RPL7A: variants seen among roughly 807,000 people sequenced by gnomAD.
The protein encoded by RPL7A is ribosomal protein L7a, also known as large ribosomal subunit protein eL8.
For synonymous variants in RPL7A, 158 were observed against 128.2 expected (o/e 1.23, Z -1.57); for missense variants, 291 against 338.2 (o/e 0.86, Z 1.09).
chr9:133,351,213 A>G (rs2129998605), intron 7 of RPL7A, 49 bp from the exon 8 acceptor site: 1 of 1,586,966 alleles, frequency 6.3e-7, no homozygotes, highest in East Asian at 2.2e-5. Flanking sequence ...AACCTTGAAA[A>G]TCTCAGAAAA....
At chr9:133,350,795 T>G in intron 6 of RPL7A, 68 bp downstream of exon 6, 2 of 1,604,088 alleles carry the variant, frequency 1.2e-6, no homozygotes, top group Middle Eastern at 3.3e-4. Context: ...GTTGTTTCCT[T>G]TTGCCTTAAA....
chr9:133,348,243 G>A lies in RPL7A; in HGVS notation c.-1G>A, dbSNP rs146152905. The A allele has an allele frequency of 6.3e-3, 10,163 of 1,614,098 alleles. 40 individuals are homozygous for A. Among genetic ancestry groups the A allele is most frequent in the Non-Finnish European group, 7.7e-3 (9,049 of 1,179,998 alleles). The stretch of plus-strand genomic sequence containing the variant: ...CTTTCTCTCTCCTCCCGCCGCCCAA[G>A]ATGGTGAGTGAGCTGTAGTTCCGTG... On this transcript the variant is annotated 5_prime_UTR_variant, in exon 1 of 8. Coordinates refer to ENST00000323345, the MANE Select transcript of RPL7A (RefSeq NM_000972.3).
intron 3 of RPL7A, 97 bp from the exon 4 acceptor site, chr9:133,349,815 C>A: frequency 6.3e-7 from 1 of 1,580,552 alleles, no homozygotes. Context: ...AAATTATAGT[C>A]ATATAGCAGG....
chr9:133,350,720 G>A lies in RPL7A; in HGVS notation c.619G>A (p.Val207Met), dbSNP rs2129995611. ...KTCTTVAFTQVNSEDKGALAK... is the reference protein window; with the variant it reads ...KTCTTVAFTQMNSEDKGALAK... ...CTGCACCACTGTCGCCTTCACACAG[G>A]TGAACTCGTAAGTACACAGCCTGGC... The change falls in exon 6 of 8, where the codon GTG becomes ATG. Residue 207 changes from valine (V) to methionine (M), a missense_variant. Val to Met is a conservative substitution (Grantham distance 21). Coordinates refer to ENST00000323345, the MANE Select transcript of RPL7A (RefSeq NM_000972.3). 2.5e-6 allele frequency: 4 copies of A among 1,613,888 alleles called. No individual in the cohort carries two copies. In the East Asian group the frequency reaches 8.9e-5, roughly 36 times the overall value.
rs2129977724 is a variant in RPL7A at position 133,348,283 on chromosome 9, T to G, written c.3+37T>G. 3.7e-6 allele frequency: 6 copies of G among 1,614,006 alleles called. No homozygotes were observed. In the Admixed American group the frequency reaches 1.0e-4, roughly 27 times the overall value. ...GTAGTTCCGTGGCACTATAGCCAGGTTCCGGCTGTATCCGCTGCCATCCTC... is the reference window on the plus strand; with the variant it reads ...GTAGTTCCGTGGCACTATAGCCAGGGTCCGGCTGTATCCGCTGCCATCCTC... On this transcript the variant is annotated intron_variant, in intron 1 of 7. Coordinates refer to ENST00000323345, the MANE Select transcript of RPL7A (RefSeq NM_000972.3).
intron 7 of RPL7A, 65 bp downstream of exon 7, chr9:133,351,136 C>T (rs908048128): frequency 6.3e-7 from 1 of 1,576,334 alleles, no homozygotes; most frequent in Non-Finnish European, 8.7e-7. Flanking sequence ...AACTGGCTGG[C>T]TTAACCTATG....
rs148435243 is a variant in RPL7A at position 133,349,647 on chromosome 9, T to G, written c.221T>G (p.Leu74Arg). 1.2e-6 allele frequency: 2 copies of G among 1,613,948 alleles called. No individual in the cohort carries two copies. Among genetic ancestry groups the G allele is most frequent in the African/African-American group, 2.7e-5 (2 of 74,940 alleles). The change falls in exon 3 of 8, where the codon CTG becomes CGG. Residue 74 changes from leucine (L) to arginine (R), a missense_variant. Transcript: ENST00000323345. ...CAGAGAGCCATCCTCTATAAGCGGC[T>G]GAAAGTGCCTCCTGCGATTAACCAG... is the stretch of plus-strand genomic sequence containing the variant. ...QRQRAILYKR[L>R]KVPPAINQFT...
At position 133,350,256 on chromosome 9, in the gene RPL7A, C is replaced by T; in HGVS notation, c.432C>T (p.Thr144=). ...PVLRAGVNTV[T]TLVENKKAQL... ...GTGTTCTAGGAGTTAACACCGTCAC[C>T]ACCTTGGTGGAGAACAAGAAAGCTC... Residue 144 remains threonine (T), a synonymous_variant, in exon 5 of 8, where the codon ACC becomes ACT. Transcript: ENST00000323345. 6.2e-7 allele frequency: 1 copy of T among 1,613,914 alleles called. No individual in the cohort carries two copies. The highest frequency in any genetic ancestry group is 8.5e-7 in the Non-Finnish European group (1 of 1,180,022).
chr9:133,351,090 C>T lies in RPL7A; in HGVS notation c.696+19C>T. The T allele has an allele frequency of 1.2e-6, 2 of 1,610,096 alleles. No individual in the cohort carries two copies. Among genetic ancestry groups the T allele is most frequent in the East Asian group, 4.5e-5 (2 of 44,856 alleles). On this transcript the variant is annotated intron_variant, in intron 7 of 7. Coordinates refer to ENST00000323345, the MANE Select transcript of RPL7A (RefSeq NM_000972.3). ...CGATGAGGTAAGAGGCAGCTTTACA[C>T]CAAAATACTGTCATTCACAAATCTT...
Position 133,351,006 on chromosome 9 carries a change from G to A in RPL7A, c.631G>A (p.Asp211Asn). 1 of 1,614,080 alleles carries A rather than the reference G, an allele frequency of 6.2e-7. No homozygotes were observed. The highest frequency in any genetic ancestry group is 8.5e-7 in the Non-Finnish European group (1 of 1,180,016). ...TVAFTQVNSE[D>N]KGALAKLVEA... ...GTTTCCCCTCCTGCCTTTTAGGGAAGACAAAGGCGCTTTGGCTAAGCTGGT... is the reference window on the plus strand; with the variant it reads ...GTTTCCCCTCCTGCCTTTTAGGGAAAACAAAGGCGCTTTGGCTAAGCTGGT... The change falls in exon 7 of 8, where the codon GAC (aspartate) becomes AAC (asparagine). Residue 211 changes from aspartate (D) to asparagine (N), a missense_variant. Transcript: ENST00000323345.
chr9:133,348,220 TTC>T lies in RPL7A; in HGVS notation c.-17_-16del. 1.9e-6 allele frequency: 3 copies of T among 1,613,934 alleles called. No homozygotes were observed. Among genetic ancestry groups the T allele is most frequent in the Non-Finnish European group, 1.7e-6 (2 of 1,179,928 alleles). Reference sequence around the variant, plus strand: ...CATATTACCCACAATTCCCTTTCCTTTCTCTCTCCTCCCGCCGCCCAAGATGG... The same window carrying T: ...CATATTACCCACAATTCCCTTTCCTTTCTCTCCTCCCGCCGCCCAAGATGG... On this transcript the variant is annotated 5_prime_UTR_variant, in exon 1 of 8. Transcript: ENST00000323345.
chr9:133,348,296 C>T lies in RPL7A; in HGVS notation c.3+50C>T, dbSNP rs1257941415. The T allele has an allele frequency of 3.7e-6, 6 of 1,613,612 alleles. No individual in the cohort carries two copies. In the Admixed American group the frequency reaches 6.7e-5, roughly 18 times the overall value. ...ACTATAGCCAGGTTCCGGCTGTATC[C>T]GCTGCCATCCTCCTCCAGGCGCGGC... On this transcript the variant is annotated intron_variant, in intron 1 of 7. Transcript: ENST00000323345.
chr9:133,351,113 CTT>C (rs1836386900), intron 7 of RPL7A, 42 bp downstream of exon 7: 2 of 1,596,988 alleles, frequency 1.3e-6, no homozygotes, highest in Non-Finnish European at 8.6e-7. Flanking sequence ...ATTCACAAAT[CTT>C]TCTCCCAAAT....
At chr9:133,349,762 A>G (rs2129988455) in intron 3 of RPL7A, 62 bp downstream of exon 3, 227 of 1,602,920 alleles carry the variant, frequency 1.4e-4, no homozygotes, top group Non-Finnish European at 1.8e-4. Flanking sequence ...CATCCAGAAC[A>G]TGAGGGGGAT....
At position 133,348,331 on chromosome 9, in the gene RPL7A, C is replaced by T. The variant is rs1836270302; in HGVS notation, c.3+85C>T. 5 of 1,548,402 alleles carry T rather than the reference C, an allele frequency of 3.2e-6. No individual in the cohort carries two copies. The South Asian group carries it at 3.3e-5, about 10-fold the overall frequency. On this transcript the variant is annotated intron_variant, in intron 1 of 7. Coordinates refer to ENST00000323345, the MANE Select transcript of RPL7A (RefSeq NM_000972.3). ...CTCCTCCAGGCGCGGCCTCGGAGGGCCTCCTGCTCCTCCTGGCGCTAGGAG... is the reference window on the plus strand; with the variant it reads ...CTCCTCCAGGCGCGGCCTCGGAGGGTCTCCTGCTCCTCCTGGCGCTAGGAG...
In RPL7A at chr9:133,348,239, C is replaced by T; in HGVS notation, c.-5C>T. ...TTTCCTTTCTCTCTCCTCCCGCCGC[C>T]CAAGATGGTGAGTGAGCTGTAGTTC... On this transcript the variant is annotated 5_prime_UTR_variant, in exon 1 of 8. Coordinates refer to ENST00000323345, the MANE Select transcript of RPL7A (RefSeq NM_000972.3). 2.5e-6 allele frequency: 4 copies of T among 1,614,098 alleles called. No homozygotes were observed. Among genetic ancestry groups the T allele is most frequent in the Non-Finnish European group, 3.4e-6 (4 of 1,179,992 alleles).
chr9:133,348,802 C>T (rs1485067175), intron 1 of RPL7A, 120 bp from the exon 2 acceptor site: 7 of 1,499,860 alleles, frequency 4.7e-6, no homozygotes, highest in Non-Finnish European at 6.5e-6. Flanking sequence ...GAAAGCTGCT[C>T]GCCAGCTTAG....
Position 133,349,557 on chromosome 9 carries a change from A to C in RPL7A, c.131A>C (p.Asp44Ala), listed in dbSNP as rs2129987150. ...GTCACCCTTTACTTCTCAGGACAGGACATCCAGCCCAAAAGAGACCTCACC... is the reference window on the plus strand; with the variant it reads ...GTCACCCTTTACTTCTCAGGACAGGCCATCCAGCCCAAAAGAGACCTCACC... ...KRPKNFGIGQ[D>A]IQPKRDLTRF... The change falls in exon 3 of 8, where the codon GAC (aspartate) becomes GCC (alanine). Residue 44 changes from aspartate to alanine, a missense_variant. Transcript: ENST00000323345. The C allele has an allele frequency of 6.2e-7, 1 of 1,614,138 alleles. No individual in the cohort carries two copies. The highest frequency in any genetic ancestry group is 1.7e-5 in the Admixed American group (1 of 60,026).
intron 1 of RPL7A, 151 bp from the exon 2 acceptor site, chr9:133,348,771 G>T (rs2129980809): frequency 8.9e-7 from 1 of 1,129,062 alleles, no homozygotes; most frequent in Admixed American, 1.8e-5. Flanking sequence ...TCCTGTCGAG[G>T]GGTGGTGCTG....
Sources: allele counts gnomAD v4.1 joint callset, GRCh38; gene constraint gnomAD v4.1.1; transcripts MANE v1.5; gene names NCBI Gene and HGNC (gene_info 2026-07-23, HGNC 2026-07-21).